The following SNX13 variants were observed in gnomAD, a reference collection of about 807,000 sequenced individuals.
The protein encoded by SNX13 is sorting nexin-13.
SNX13 carries 45 observed loss-of-function variants against 133.6 expected under a neutral mutation model. That is an observed-to-expected ratio of 0.34 (90% CI 0.27 to 0.43). The LOEUF (loss-of-function observed/expected upper bound fraction) is 0.43. Ranked by LOEUF, SNX13 falls within the 20% of genes least tolerant of loss-of-function variation. The probability of loss-of-function intolerance (pLI) is 1.00; values close to 1 mark genes in which losing one functional copy is unlikely to be tolerated. For missense variants in SNX13, 1,032 were observed against 1,145.1 expected (o/e 0.90, Z 1.43); for synonymous variants, 414 against 373.9 (o/e 1.11, Z -1.24).
chr7:17,834,993 G>A lies in SNX13; in HGVS notation c.1360-128C>T, dbSNP rs578087531. The A allele has an allele frequency of 4.0e-4, 224 of 566,184 alleles. 1 individual carries two copies. The highest frequency in any genetic ancestry group is 2.5e-3 in the South Asian group (92 of 36,424). 35.1% of individuals were successfully genotyped at this position (566,184 alleles called of 1,614,324 possible). A position where few individuals can be genotyped will look rare whatever the true frequency, so the allele number is the denominator to read the frequency against. On this transcript the variant is annotated intron_variant, in intron 13 of 25. Coordinates refer to ENST00000428135, the MANE Select transcript of SNX13 (RefSeq NM_015132.5). ...AGGTAAGAATCATTGGTTTGTAAAC[G>A]ACACCTTGATGTTTAAGAAGGATGA...
chr7:17,883,977 C>T (rs1484943781), intron 5 of SNX13, among the ~76,000 whole-genome samples: 1 of 152,116 alleles, frequency 6.6e-6, no homozygotes, highest in African/African-American at 2.4e-5. Context: ...TGCTTTTGTG[C>T]TACAATGGCA....
intron 1 of SNX13, among the ~76,000 whole-genome samples, chr7:17,900,830 G>A (rs533718578): frequency 6.6e-6 from 1 of 152,220 alleles, no homozygotes; most frequent in South Asian, 2.1e-4. Context: ...TAGCTAAGGT[G>A]CAACACAAAG....
intron 10 of SNX13, 89 bp from the exon 11 acceptor site, chr7:17,850,524 C>T (rs1041397798): frequency 1.1e-4 from 78 of 741,052 alleles, no homozygotes; most frequent in Non-Finnish European, 1.4e-4. Context: ...AACAAAATAA[C>T]CAATAATACA....
intron 9 of SNX13, among the ~76,000 whole-genome samples, chr7:17,860,471 T>G (rs1365965053): frequency 6.6e-6 from 1 of 152,220 alleles, no homozygotes; most frequent in Non-Finnish European, 1.5e-5. Context: ...GCTGGGCAGT[T>G]TTTTAGTCTG....
chr7:17,886,308 G>A (rs1485491843), intron 5 of SNX13, among the ~76,000 whole-genome samples: 2 of 152,000 alleles, frequency 1.3e-5, no homozygotes, highest in Non-Finnish European at 2.9e-5. Context: ...AGTGACTCAC[G>A]CCTGTAATCC....
intron 1 of SNX13, among the ~76,000 whole-genome samples, chr7:17,925,387 T>C (rs994119990): frequency 6.6e-6 from 1 of 152,194 alleles, no homozygotes; most frequent in Non-Finnish European, 1.5e-5. Flanking sequence ...TTGAATTGAA[T>C]GCTTTAGTTA....
intron 1 of SNX13, among the ~76,000 whole-genome samples, chr7:17,932,067 T>C (rs576919702): frequency 3.3e-5 from 5 of 152,166 alleles, no homozygotes; most frequent in Non-Finnish European, 7.4e-5. Flanking sequence ...TCAAAGGTCA[T>C]ACAAATTGAA....
chr7:17,834,949 A>C (rs1460292603), intron 13 of SNX13, 84 bp from the exon 14 acceptor site: 3 of 779,242 alleles, frequency 3.8e-6, no homozygotes, highest in Non-Finnish European at 6.0e-6. Context: ...ATGGAATCAT[A>C]TTATTGAAAA....
intron 5 of SNX13, chr7:17,889,458 C>A (rs1796385383): frequency 6.6e-6 from 1 of 151,802 alleles, no homozygotes; most frequent in African/African-American, 2.4e-5. Flanking sequence ...CCTAGCAGGG[C>A]AATCTTTGCG....
chr7:17,917,820 A>G (rs1799721309), intron 1 of SNX13, among the ~76,000 whole-genome samples: 2 of 152,182 alleles, frequency 1.3e-5, no homozygotes, highest in African/African-American at 2.4e-5. Context: ...ATGAACTACA[A>G]AAGAGCCTGA....
At chr7:17,848,881 A>G (rs980659290) in intron 11 of SNX13, among the ~76,000 whole-genome samples, 2 of 152,148 alleles carry the variant, frequency 1.3e-5, no homozygotes, top group African/African-American at 4.8e-5. Flanking sequence ...TCAATATCAC[A>G]TGCTCAGGTT....
chr7:17,821,028 ATTTAT>A (rs1330959849), intron 18 of SNX13, among the ~76,000 whole-genome samples: 3 of 152,264 alleles, frequency 2.0e-5, no homozygotes, highest in South Asian at 2.1e-4. Context: ...TTAATATTAA[ATTTAT>A]TTTATGTTGT....
intron 16 of SNX13, among the ~76,000 whole-genome samples, chr7:17,829,333 T>C (rs1272863840): frequency 6.6e-6 from 1 of 151,448 alleles, no homozygotes; most frequent in Non-Finnish European, 1.5e-5. Flanking sequence ...CCTAACAGCA[T>C]CTTAGAAAAT....
chr7:17,893,056 A>G (rs74828011), intron 3 of SNX13, among the ~76,000 whole-genome samples: 1,915 of 152,322 alleles, frequency 0.013, 39 homozygotes, highest in African/African-American at 0.044. Context: ...TTGAAATACT[A>G]TGATAAGACA....
chr7:17,937,563 A>G (rs1320663586), intron 1 of SNX13, among the ~76,000 whole-genome samples: 1 of 152,170 alleles, frequency 6.6e-6, no homozygotes, highest in African/African-American at 2.4e-5. Flanking sequence ...GCAAAACTGA[A>G]AAGTTTCATA....
At chr7:17,901,483 A>G (rs561311768) in intron 1 of SNX13, among the ~76,000 whole-genome samples, 101 of 152,180 alleles carry the variant, frequency 6.6e-4, no homozygotes, top group African/African-American at 2.4e-3. Flanking sequence ...TCAGGTTCCA[A>G]CCACTGGGAT....
intron 21 of SNX13, among the ~76,000 whole-genome samples, chr7:17,801,892 G>A (rs1784683721): frequency 6.6e-6 from 1 of 151,974 alleles, no homozygotes; most frequent in African/African-American, 2.4e-5. Context: ...ATAAAAATTA[G>A]TCAGTCAAAC....
chr7:17,804,429 T>C (rs569778849), intron 20 of SNX13, among the ~76,000 whole-genome samples: 62 of 152,128 alleles, frequency 4.1e-4, no homozygotes, highest in Middle Eastern at 3.4e-3. Context: ...CAGAAGAAAT[T>C]TGAAGTTCAT....
At chr7:17,878,748 T>A (rs1413385114) in intron 5 of SNX13, among the ~76,000 whole-genome samples, 2 of 152,146 alleles carry the variant, frequency 1.3e-5, no homozygotes, top group Non-Finnish European at 2.9e-5. Flanking sequence ...TCTAAGATCT[T>A]CCATACGGAA....
Sources: allele counts gnomAD v4.1 joint callset (sites outside exome capture counted in the v4.1 genomes callset), GRCh38; gene constraint gnomAD v4.1.1; transcripts MANE v1.5; gene names NCBI Gene and HGNC (gene_info 2026-07-23, HGNC 2026-07-21).